Variants in KIF21B observed in about 807,000 individuals in gnomAD.
The protein encoded by KIF21B is kinesin-like protein KIF21B.
A neutral mutation model predicts 192.9 loss-of-function variants in KIF21B; 85 were observed. The ratio of observed to expected loss-of-function variants is 0.44; its 90% CI spans 0.37 to 0.53. The LOEUF (loss-of-function observed/expected upper bound fraction) is 0.53, where lower values mean the gene tolerates loss of function less well. KIF21B is among the 20% of genes least tolerant of loss of function. KIF21B has a pLI of 0.00. For missense variants in KIF21B, 1,716 were observed against 2,194.8 expected, an observed-to-expected ratio of 0.78 and a Z score of 4.36; for synonymous variants, 832 against 884.6, an observed-to-expected ratio of 0.94 and a Z score of 1.05.
At chr1:200,979,466 G>T in intron 30 of KIF21B, 69 bp downstream of exon 30, 1 of 1,284,962 alleles carries the variant, frequency 7.8e-7, no homozygotes, top group Non-Finnish European at 1.1e-6. Flanking sequence ...GGTCACTTGG[G>T]CTGGGAGCAT....
chr1:200,989,904 C>G (rs769124422), intron 21 of KIF21B, 38 bp downstream of exon 21: 4 of 1,503,754 alleles, frequency 2.7e-6, no homozygotes, highest in Non-Finnish European at 3.7e-6. Context: ...GGCATCTGTG[C>G]CCATAGAGCC....
At position 200,998,187 on chromosome 1, in the gene KIF21B, A is replaced by G. The variant is rs1215793688; in HGVS notation, c.2077+197T>C. The stretch of plus-strand genomic sequence containing the variant: ...ACGTGATAGCAAAGAAAAAAAATCA[A>G]TTTACAATGTTTCATAGGAACTAGG... On this transcript the variant is annotated intron_variant, in intron 14 of 34. Coordinates refer to ENST00000461742, the MANE Select transcript of KIF21B (RefSeq NM_001252102.2). The surrounding 1 kb of genome is among the most constrained non-coding windows in gnomAD (Gnocchi z 4.3). 6.6e-6 allele frequency among the ~76,000 whole-genome samples: 1 copy of G among 152,210 alleles called. No homozygotes were observed. Among genetic ancestry groups the G allele is most frequent in the Non-Finnish European group, 1.5e-5 (1 of 68,034 alleles).
chr1:200,985,255 A>AG (rs1553237857), intron 26 of KIF21B, among the ~76,000 whole-genome samples: 7 of 152,216 alleles, frequency 4.6e-5, no homozygotes, highest in Non-Finnish European at 1.5e-5. Context: ...TGAAAGGCCG[A>AG]GGTGGGAGGA....
intron 34 of KIF21B, 128 bp from the exon 35 acceptor site, chr1:200,973,706 G>A (rs900523714): frequency 4.7e-6 from 7 of 1,494,432 alleles, no homozygotes; most frequent in Non-Finnish European, 6.2e-6. Flanking sequence ...TGGGAGGCAA[G>A]CATGGCTTAC....
chr1:200,973,876 C>T, intron 34 of KIF21B: 1 of 1,454,556 alleles, frequency 6.9e-7, no homozygotes, highest in East Asian at 2.5e-5. Context: ...GCACCCATCT[C>T]CTGGGGCCTG....
At position 201,014,462 on chromosome 1, in the gene KIF21B, G is replaced by T. The variant is rs74138811; in HGVS notation, c.42-4974C>A. On this transcript the variant is annotated intron_variant, in intron 1 of 34. Transcript: ENST00000461742. ...GAGACAGGGAGGAGGCAGCCCAGGG[G>T]TATGCTGAGAGACTGCCAAGGAGAG... Among the ~76,000 whole-genome samples, 5 of 152,308 alleles carry T rather than the reference G, an allele frequency of 3.3e-5. No homozygotes were observed. In the East Asian group the frequency reaches 7.7e-4, roughly 24 times the overall value.
Position 201,000,281 on chromosome 1 carries a change from G to A in KIF21B, c.1685+109C>T. 1.7e-6 allele frequency: 2 copies of A among 1,143,400 alleles called. No homozygotes were observed. Among genetic ancestry groups the A allele is most frequent in the Admixed American group, 2.3e-5 (1 of 43,396 alleles). The allele number at this position is 1,143,400 out of a possible 1,614,324, so 70.8% of individuals were successfully genotyped here. On this transcript the variant is annotated intron_variant, in intron 11 of 34. Coordinates refer to ENST00000461742, the MANE Select transcript of KIF21B (RefSeq NM_001252102.2). The surrounding 1 kb of genome is among the most constrained non-coding windows in gnomAD (Gnocchi z 6.0). ...TGAGGCAGCCCCTGGGGCTGGGGGC[G>A]TGGAGGTTCCCTCCTAAACACTGGT... is the stretch of plus-strand genomic sequence containing the variant.
At position 200,981,085 on chromosome 1, in the gene KIF21B, G is replaced by T. The variant is rs868507612; in HGVS notation, c.3854C>A (p.Ser1285Tyr). The T allele has an allele frequency of 1.9e-6, 3 of 1,592,492 alleles. No homozygotes were observed. Among genetic ancestry groups the T allele is most frequent in the African/African-American group, 2.7e-5 (2 of 73,694 alleles). ...TGCACCCTTGGCTCCTCCAACCGGG[G>T]AGATGATGCCCCTTCCCGGGAGAGA... ...SLSEVLRGII[S>Y]PVGGAKGART... Residue 1285 changes from serine (S) to tyrosine (Y), a missense_variant, in exon 29 of 35, where the codon TCC becomes TAC. This residue lies in a region of KIF21B where 580 missense variants were observed against 775.5 expected (regional missense o/e 0.75). Transcript: ENST00000461742.
At chr1:201,020,808 TACACACACACACACAC>T (rs60686711) in intron 1 of KIF21B, among the ~76,000 whole-genome samples, 1 of 142,816 alleles carries the variant, frequency 7.0e-6, no homozygotes. Flanking sequence ...CTCTCTCCTC[TACACACACACACACAC>T]ACACACACAC....
chr1:201,012,005 C>A (rs961753183), intron 1 of KIF21B, among the ~76,000 whole-genome samples: 4 of 152,232 alleles, frequency 2.6e-5, no homozygotes, highest in East Asian at 1.9e-4. Context: ...ACCTGGGGAG[C>A]CTGCCTTCCA....
intron 26 of KIF21B, among the ~76,000 whole-genome samples, chr1:200,986,308 G>A (rs2102401044): frequency 6.6e-6 from 1 of 152,042 alleles, no homozygotes; most frequent in South Asian, 2.1e-4. Flanking sequence ...TCCAGCATCT[G>A]GCTCGGCTAT....
chr1:200,998,843 T>C lies in KIF21B; in HGVS notation c.1886-268A>G, dbSNP rs940292781. Among the ~76,000 whole-genome samples the C allele has an allele frequency of 1.1e-4, 16 of 152,136 alleles. No individual in the cohort carries two copies. Among genetic ancestry groups the C allele is most frequent in the Non-Finnish European group, 1.9e-4 (13 of 68,016 alleles). ...CCTTCCCAGCCATTCGAGGCCAGCATCCACCTGTTCCAGATGACATGGGAC... is the reference window on the plus strand; with the variant it reads ...CCTTCCCAGCCATTCGAGGCCAGCACCCACCTGTTCCAGATGACATGGGAC... On this transcript the variant is annotated intron_variant, in intron 13 of 34. Coordinates refer to ENST00000461742, the MANE Select transcript of KIF21B (RefSeq NM_001252102.2). This position sits in a 1 kb window ranked among gnomAD's most constrained non-coding sequence, Gnocchi z 4.3.
At position 200,984,323 on chromosome 1, in the gene KIF21B, G is replaced by A. The variant is rs115550644; in HGVS notation, c.3803+536C>T. ...ATGAAAGCAGGTTGTAAAGCACAGG[G>A]AGAAAGCCTGAATGCAGGGGAGGCT... On this transcript the variant is annotated intron_variant, in intron 27 of 34. Coordinates refer to ENST00000461742, the MANE Select transcript of KIF21B (RefSeq NM_001252102.2). Among the ~76,000 whole-genome samples, 370 of 152,344 alleles carry A rather than the reference G, an allele frequency of 2.4e-3. 1 individual carries two copies. The highest frequency in any genetic ancestry group is 7.3e-3 in the African/African-American group (303 of 41,570).
At chr1:200,986,613 C>T (rs1656320836) in intron 26 of KIF21B, among the ~76,000 whole-genome samples, 1 of 152,216 alleles carries the variant, frequency 6.6e-6, no homozygotes, top group Non-Finnish European at 1.5e-5. Flanking sequence ...CCATCTCAGC[C>T]TCCCAAAGTG....
chr1:200,997,882 T>C (rs185370665), intron 14 of KIF21B, among the ~76,000 whole-genome samples: 4 of 152,316 alleles, frequency 2.6e-5, no homozygotes, highest in Non-Finnish European at 2.9e-5. Flanking sequence ...CCCACTAGAA[T>C]GTATGCTGCA....
At chr1:201,019,169 G>A (rs1658676868) in intron 1 of KIF21B, among the ~76,000 whole-genome samples, 1 of 152,176 alleles carries the variant, frequency 6.6e-6, no homozygotes, top group Non-Finnish European at 1.5e-5. Context: ...TCCTGACCTT[G>A]TGATCCACCT....
rs1657380542 is a variant in KIF21B at position 201,000,086 on chromosome 1, C to T, written c.1686-122G>A. On this transcript the variant is annotated intron_variant, in intron 11 of 34. Transcript: ENST00000461742. The surrounding 1 kb of genome is among the most constrained non-coding windows in gnomAD (Gnocchi z 6.0). Reference sequence around the variant, plus strand: ...CCAGAGGCCGGGGAGAGCACTGGCTCCTACTCTGCAGAGAACCCCACTGCT... The same window carrying T: ...CCAGAGGCCGGGGAGAGCACTGGCTTCTACTCTGCAGAGAACCCCACTGCT... The T allele has an allele frequency of 1.1e-6, 1 of 886,632 alleles. No individual in the cohort carries two copies. Among genetic ancestry groups the T allele is most frequent in the Non-Finnish European group, 1.8e-6 (1 of 552,024 alleles). The allele number at this position is 886,632 out of a possible 1,614,324, so 54.9% of individuals were successfully genotyped here.
rs562416675 is a variant in KIF21B, at chr1:201,017,993, G to A, written c.41+5350C>T. The stretch of plus-strand genomic sequence containing the variant: ...GGATCTCTGGGGCCAAGGAAGAGCC[G>A]TTCCAGTCCAGCTTCCCTCATGGCA... On this transcript the variant is annotated intron_variant, in intron 1 of 34. Coordinates refer to ENST00000461742, the MANE Select transcript of KIF21B (RefSeq NM_001252102.2). The surrounding 1 kb of genome is among the most constrained non-coding windows in gnomAD (Gnocchi z 4.1). Among the ~76,000 whole-genome samples the A allele has an allele frequency of 6.6e-5, 10 of 152,244 alleles. No homozygotes were observed. Among genetic ancestry groups the A allele is most frequent in the East Asian group, 3.9e-4 (2 of 5,186 alleles).
Position 201,004,950 on chromosome 1 carries a change from C to A in KIF21B, c.733-17G>T. The A allele has an allele frequency of 6.3e-7, 1 of 1,597,714 alleles. No homozygotes were observed. Among genetic ancestry groups the A allele is most frequent in the Non-Finnish European group, 8.6e-7 (1 of 1,168,238 alleles). On this transcript the variant is annotated splice_polypyrimidine_tract_variant and intron_variant, in intron 5 of 34. Transcript: ENST00000461742. ...CTCATTCACCTGCAGCAGAAGTCAG[C>A]TCTGACTCACCCAGCCCTCGCCCAC...
Sources: allele counts gnomAD v4.1 joint callset (sites outside exome capture counted in the v4.1 genomes callset), GRCh38; gene constraint gnomAD v4.1.1; regional missense constraint gnomAD v4.1.1; non-coding constraint Gnocchi (gnomAD v3.1); transcripts MANE v1.5; gene names NCBI Gene and HGNC (gene_info 2026-07-23, HGNC 2026-07-21).